The following AGBL4 variants were observed in gnomAD, a reference collection of about 807,000 sequenced individuals.
AGBL4 encodes the protein cytosolic carboxypeptidase 6.
A neutral mutation model predicts 66.4 loss-of-function variants in AGBL4; 58 were observed. That is an observed-to-expected ratio of 0.87 (90% CI 0.71 to 1.09). AGBL4 has a LOEUF of 1.09. Among genes scored for constraint, AGBL4 ranks in the 50% least tolerant of loss-of-function variants. The probability of loss-of-function intolerance (pLI) is 0.00; values close to 1 mark genes in which losing one functional copy is unlikely to be tolerated. For synonymous variants in AGBL4, 234 were observed against 222.9 expected (o/e 1.05, Z -0.44); for missense variants, 579 against 631.0 (o/e 0.92, Z 0.88).
intron 3 of AGBL4, among the ~76,000 whole-genome samples, chr1:49,530,273 C>CAAAAAAAAAAA (rs1171374859): frequency 8.9e-6 from 1 of 111,928 alleles, no homozygotes; most frequent in Non-Finnish European, 1.7e-5. Context: ...AAAAAAAAAA[C>CAAAAAAAAAAA]AAAAAAAAAC....
chr1:48,938,709 C>G (rs1340035143), intron 5 of AGBL4, among the ~76,000 whole-genome samples: 3 of 152,198 alleles, frequency 2.0e-5, no homozygotes, highest in African/African-American at 7.2e-5. Flanking sequence ...ATACTCTTTT[C>G]TCTGCCCCTA....
At chr1:48,760,041 G>A (rs1287388729) in intron 6 of AGBL4, among the ~76,000 whole-genome samples, 20 of 152,096 alleles carry the variant, frequency 1.3e-4, no homozygotes, top group Admixed American at 1.3e-3. Flanking sequence ...CTACACTTAG[G>A]GTCACATAGT....
At chr1:48,963,476 A>G (rs761565932) in intron 5 of AGBL4, among the ~76,000 whole-genome samples, 2 of 152,078 alleles carry the variant, frequency 1.3e-5, no homozygotes, top group African/African-American at 2.4e-5. Flanking sequence ...AGCGTCAATG[A>G]CAACTTAAAA....
At chr1:48,783,054 A>G (rs1011211703) in intron 6 of AGBL4, among the ~76,000 whole-genome samples, 1 of 152,182 alleles carries the variant, frequency 6.6e-6, no homozygotes, top group African/African-American at 2.4e-5. Context: ...CTTTTACTTA[A>G]TAATATGCAT....
intron 3 of AGBL4, among the ~76,000 whole-genome samples, chr1:49,436,966 G>C (rs1163744712): frequency 1.3e-5 from 2 of 152,156 alleles, no homozygotes; most frequent in Admixed American, 1.3e-4. Flanking sequence ...AAATAAAAAA[G>C]TGTGGTAAAC....
Position 49,089,404 on chromosome 1 carries a change from A to G in AGBL4, c.378-43604T>C, listed in dbSNP as rs1013259466. On this transcript the variant is annotated intron_variant, in intron 4 of 13. Transcript: ENST00000371839. ...GATATCCAACTAAATTCAATCAGAA[A>G]TGACAAAGGAAACATTACCACTGAC... Among the ~76,000 whole-genome samples the G allele has an allele frequency of 2.6e-5, 4 of 152,116 alleles. No individual in the cohort carries two copies. The South Asian group carries it at 8.3e-4, about 31-fold the overall frequency.
intron 7 of AGBL4, among the ~76,000 whole-genome samples, chr1:48,658,446 C>T (rs1347195392): frequency 1.3e-5 from 2 of 152,198 alleles, no homozygotes; most frequent in Admixed American, 6.5e-5. Flanking sequence ...CCACTCTAGG[C>T]CCTTCCTTGA....
intron 6 of AGBL4, among the ~76,000 whole-genome samples, chr1:48,710,761 G>A (rs1314950529): frequency 6.6e-6 from 1 of 152,114 alleles, no homozygotes; most frequent in African/African-American, 2.4e-5. Context: ...CCCTGCGCTG[G>A]GAAGACCTAA....
chr1:49,225,582 G>A (rs1431759302), intron 4 of AGBL4, among the ~76,000 whole-genome samples: 1 of 152,174 alleles, frequency 6.6e-6, no homozygotes, highest in East Asian at 1.9e-4. Flanking sequence ...TCTCCAGGTG[G>A]GGTGAAGCTA....
intron 2 of AGBL4, among the ~76,000 whole-genome samples, chr1:49,764,851 T>C (rs1042545182): frequency 7.9e-5 from 12 of 152,190 alleles, no homozygotes; most frequent in African/African-American, 2.4e-4. Context: ...AGGTGTTTCC[T>C]GTGGCTCTCA....
intron 3 of AGBL4, among the ~76,000 whole-genome samples, chr1:49,328,301 T>C (rs1322462249): frequency 6.6e-6 from 1 of 152,234 alleles, no homozygotes; most frequent in African/African-American, 2.4e-5. Context: ...TACTGAACAA[T>C]ACCAATATTG....
chr1:48,709,144 A>G (rs1187349509), intron 6 of AGBL4, among the ~76,000 whole-genome samples: 1 of 152,204 alleles, frequency 6.6e-6, no homozygotes, highest in East Asian at 1.9e-4. Context: ...CTATGCTATC[A>G]GTGACTCTCT....
intron 3 of AGBL4, among the ~76,000 whole-genome samples, chr1:49,467,557 A>G (rs1015234773): frequency 1.6e-4 from 24 of 151,800 alleles, no homozygotes; most frequent in Admixed American, 2.6e-4. Flanking sequence ...GTCAACTATG[A>G]GCAATGCAGG....
intron 3 of AGBL4, among the ~76,000 whole-genome samples, chr1:49,326,615 G>A (rs7522609): frequency 1.3e-5 from 2 of 151,910 alleles, no homozygotes; most frequent in South Asian, 4.2e-4. Flanking sequence ...GAAAGAATGA[G>A]AGAAGGAAGA....
At position 49,473,098 on chromosome 1, in the gene AGBL4, A is replaced by G. The variant is rs185214613; in HGVS notation, c.282+224215T>C. 1.6e-4 allele frequency among the ~76,000 whole-genome samples: 24 copies of G among 152,156 alleles called. 1 individual carries two copies. Among genetic ancestry groups the G allele is most frequent in the Admixed American group, 7.2e-4 (11 of 15,264 alleles). On this transcript the variant is annotated intron_variant, in intron 3 of 13. Coordinates refer to ENST00000371839, the MANE Select transcript of AGBL4 (RefSeq NM_032785.4). ...ATTCCATGTCATTGCTATGGTGAAT[A>G]GTGCTGAGATAATCATGCAAATGCA...
intron 9 of AGBL4, among the ~76,000 whole-genome samples, chr1:48,618,748 C>T (rs1288762412): frequency 1.3e-5 from 2 of 152,122 alleles, no homozygotes; most frequent in African/African-American, 2.4e-5. Flanking sequence ...TCTTAAGATC[C>T]CAGATCCTAA....
At chr1:49,362,469 A>G (rs1483266695) in intron 3 of AGBL4, among the ~76,000 whole-genome samples, 3 of 151,656 alleles carry the variant, frequency 2.0e-5, no homozygotes, top group Admixed American at 2.0e-4. Context: ...AAAAAAAAAA[A>G]AAAAGAGAGA....
At chr1:48,760,048 T>C (rs553469463) in intron 6 of AGBL4, among the ~76,000 whole-genome samples, 4 of 152,264 alleles carry the variant, frequency 2.6e-5, no homozygotes, top group African/African-American at 7.2e-5. Flanking sequence ...TAGGGTCACA[T>C]AGTGAGATAC....
chr1:49,995,108 A>G (rs1279180818), intron 1 of AGBL4: 1 of 455,988 alleles, frequency 2.2e-6, no homozygotes, highest in Non-Finnish European at 4.4e-6. Flanking sequence ...CTTTGTAACA[A>G]TTTCAAGTAA....
Sources: gnomAD v4.1 joint callset for allele counts (sites outside exome capture counted in the v4.1 genomes callset) on GRCh38, gnomAD v4.1.1 for gene constraint, MANE v1.5 for transcripts, NCBI Gene and HGNC (gene_info 2026-07-23, HGNC 2026-07-21) for gene names.